The following FA2H variants were observed in gnomAD, a reference collection of about 807,000 sequenced individuals.
FA2H encodes the protein fatty acid 2-hydroxylase.
FA2H carries 22 observed loss-of-function variants against 44.9 expected under a neutral mutation model. The ratio of observed to expected loss-of-function variants is 0.49; its 90% CI spans 0.35 to 0.70. FA2H has a LOEUF of 0.70. Ranked by LOEUF, FA2H falls within the 30% of genes least tolerant of loss-of-function variation. The probability of loss-of-function intolerance (pLI) is 0.01; values close to 1 mark genes in which losing one functional copy is unlikely to be tolerated. For synonymous variants in FA2H, 243 were observed against 213.2 expected (o/e 1.14, Z -1.22); for missense variants, 501 against 504.9 (o/e 0.99, Z 0.07).
In FA2H at chr16:74,728,808, G is replaced by C. The variant is rs1243730654; in HGVS notation, c.364-1422C>G. Among the ~76,000 whole-genome samples, 3 of 121,118 alleles carry C rather than the reference G, an allele frequency of 2.5e-5. No homozygotes were observed. In the East Asian group the frequency reaches 7.1e-4, roughly 29 times the overall value. 79.5% of individuals were successfully genotyped at this position (121,118 alleles called of 152,430 possible). ...TTTTTTTTTTTTTTTTTTTGAGACA[G>C]AGTCTCGTTCTGTCGCCAGGCTGGA... On this transcript the variant is annotated intron_variant, in intron 2 of 6. Coordinates refer to ENST00000219368, the MANE Select transcript of FA2H (RefSeq NM_024306.5).
chr16:74,773,355 A>T (rs1445112046), intron 1 of FA2H, among the ~76,000 whole-genome samples: 1 of 152,158 alleles, frequency 6.6e-6, no homozygotes, highest in Non-Finnish European at 1.5e-5. Context: ...TATCATAGAT[A>T]TGCATATATG....
intron 1 of FA2H, among the ~76,000 whole-genome samples, chr16:74,746,329 G>C (rs1306202487): frequency 2.0e-5 from 3 of 151,592 alleles, no homozygotes; most frequent in Admixed American, 6.6e-5. Flanking sequence ...GTGTGATCAT[G>C]GCTTGCTGCA....
chr16:74,760,509 T>C (rs1962688970), intron 1 of FA2H, among the ~76,000 whole-genome samples: 1 of 152,204 alleles, frequency 6.6e-6, no homozygotes, highest in South Asian at 2.1e-4. Context: ...AAAGGGCAGC[T>C]GCCAGGAAGC....
In FA2H at chr16:74,754,710, T is replaced by G. The variant is rs948398989; in HGVS notation, c.271-14595A>C. The stretch of plus-strand genomic sequence containing the variant: ...ATCCGGGTAATTTTTGTATTTTTTA[T>G]AGAGACAGGGTCTCCCTATGTTGCC... On this transcript the variant is annotated intron_variant, in intron 1 of 6. Transcript: ENST00000219368. Among the ~76,000 whole-genome samples, 3 of 152,044 alleles carry G rather than the reference T, an allele frequency of 2.0e-5. No homozygotes were observed. The South Asian group carries it at 6.2e-4, about 31-fold the overall frequency.
At chr16:74,753,245 G>A (rs979325251) in intron 1 of FA2H, among the ~76,000 whole-genome samples, 3 of 152,214 alleles carry the variant, frequency 2.0e-5, no homozygotes, top group Non-Finnish European at 2.9e-5. Context: ...GCCAGAACTA[G>A]AGCACAGTCT....
intron 2 of FA2H, among the ~76,000 whole-genome samples, chr16:74,738,178 G>C (rs950031986): frequency 3.3e-5 from 5 of 152,106 alleles, no homozygotes; most frequent in Admixed American, 3.3e-4. Flanking sequence ...TCTCAGCCCA[G>C]AGACACAGGA....
chr16:74,729,948 G>A (rs1345936676), intron 2 of FA2H, among the ~76,000 whole-genome samples: 1 of 152,128 alleles, frequency 6.6e-6, no homozygotes, highest in African/African-American at 2.4e-5. Flanking sequence ...GGGGAGAGGA[G>A]CAAGGGCTGC....
At chr16:74,754,813 C>G (rs1269426253) in intron 1 of FA2H, among the ~76,000 whole-genome samples, 2 of 152,100 alleles carry the variant, frequency 1.3e-5, no homozygotes, top group East Asian at 3.9e-4. Flanking sequence ...CATGCCTGAG[C>G]CACCACCCCT....
At chr16:74,752,742 C>T (rs1448498344) in intron 1 of FA2H, among the ~76,000 whole-genome samples, 1 of 152,126 alleles carries the variant, frequency 6.6e-6, no homozygotes, top group African/African-American at 2.4e-5. Flanking sequence ...AGGAGGCAGC[C>T]CCGTGAGCCC....
intron 5 of FA2H, among the ~76,000 whole-genome samples, chr16:74,717,988 G>A (rs972640811): frequency 1.3e-5 from 2 of 152,188 alleles, no homozygotes; most frequent in Non-Finnish European, 2.9e-5. Context: ...CTACCTCTGA[G>A]AGCATACCTG....
chr16:74,748,573 C>G (rs1482489702), intron 1 of FA2H, among the ~76,000 whole-genome samples: 1 of 152,134 alleles, frequency 6.6e-6, no homozygotes, highest in African/African-American at 2.4e-5. Context: ...CCTTTCTCCC[C>G]TCGTGGAGGA....
intron 4 of FA2H, among the ~76,000 whole-genome samples, chr16:74,725,220 A>G (rs1760051238): frequency 6.6e-6 from 1 of 152,172 alleles, no homozygotes; most frequent in South Asian, 2.1e-4. Context: ...GGATAAATGA[A>G]GTTCCTGATG....
intron 1 of FA2H, among the ~76,000 whole-genome samples, chr16:74,772,279 T>C (rs2144669943): frequency 6.6e-6 from 1 of 152,340 alleles, no homozygotes; most frequent in South Asian, 2.1e-4. Context: ...TCCTGCTACA[T>C]GCCACCTGGC....
chr16:74,766,074 G>A (rs758901824), intron 1 of FA2H, among the ~76,000 whole-genome samples: 6 of 152,114 alleles, frequency 3.9e-5, no homozygotes, highest in African/African-American at 1.4e-4. Flanking sequence ...TTGGGAGGCC[G>A]AGGCAGGTGA....
intron 4 of FA2H, among the ~76,000 whole-genome samples, chr16:74,723,179 A>G (rs1961876269): frequency 6.6e-6 from 1 of 152,154 alleles, no homozygotes; most frequent in African/African-American, 2.4e-5. Context: ...ACCTATGGGC[A>G]TTTTTTCTCT....
intron 4 of FA2H, chr16:74,725,957 C>T: frequency 2.2e-6 from 1 of 447,720 alleles, no homozygotes. Context: ...CACTCAATCT[C>T]TCTCTCTCTC....
intron 4 of FA2H, among the ~76,000 whole-genome samples, chr16:74,725,454 C>T (rs1961931637): frequency 6.6e-6 from 1 of 152,198 alleles, no homozygotes; most frequent in South Asian, 2.1e-4. Flanking sequence ...TCCTAAACCC[C>T]AGTCTCATAG....
intron 4 of FA2H, among the ~76,000 whole-genome samples, chr16:74,721,028 G>A (rs565356638): frequency 3.9e-5 from 6 of 152,334 alleles, no homozygotes; most frequent in South Asian, 2.1e-4. Context: ...ATGCACATTC[G>A]TGTAGAGGTT....
intron 4 of FA2H, among the ~76,000 whole-genome samples, chr16:74,720,901 G>A (rs1961821853): frequency 6.6e-6 from 1 of 152,200 alleles, no homozygotes; most frequent in South Asian, 2.1e-4. Flanking sequence ...GTTGTAACAT[G>A]TATTACAACT....
Sources: allele counts gnomAD v4.1 joint callset (sites outside exome capture counted in the v4.1 genomes callset), GRCh38; gene constraint gnomAD v4.1.1; transcripts MANE v1.5; gene names NCBI Gene and HGNC (gene_info 2026-07-23, HGNC 2026-07-21).